The following SLIT3 variants were observed in gnomAD, a reference collection of about 807,000 sequenced individuals.
SLIT3 encodes the protein slit guidance ligand 3.
SLIT3 carries 68 observed loss-of-function variants against 184.0 expected under a neutral mutation model. The observed-to-expected ratio is 0.37, with a 90% CI of 0.30 to 0.45. The LOEUF is 0.45. Among genes scored for constraint, SLIT3 ranks in the 20% least tolerant of loss-of-function variants. The pLI is 1.00. For synonymous variants in SLIT3, 831 were observed against 828.6 expected (o/e 1.00, Z -0.05); for missense variants, 1,707 against 2,026.0 (o/e 0.84, Z 3.02).
Position 168,686,988 on chromosome 5 carries a change from T to C in SLIT3, c.3305A>G (p.Gln1102Arg). ...TINGYTCTCP[Q>R]GFSGPFCEHP... ...TGCCCTCCTGCCTTACCTGAAGCCCTGGGGGCAGGTGCATGTGTAGCCATT... is the reference window on the plus strand; with the variant it reads ...TGCCCTCCTGCCTTACCTGAAGCCCCGGGGGCAGGTGCATGTGTAGCCATT... The change falls in exon 30 of 36, where the codon CAG becomes CGG. Residue 1102 changes from glutamine to arginine, a missense_variant. Gln to Arg is a conservative substitution (Grantham distance 43, BLOSUM62 1). This residue lies in a region of SLIT3 where 1,307 missense variants were observed against 1,511.6 expected (regional missense o/e 0.86). Transcript: ENST00000519560. 2 of 1,613,858 alleles carry C rather than the reference T, an allele frequency of 1.2e-6. No individual in the cohort carries two copies. The highest frequency in any genetic ancestry group is 1.7e-6 in the Non-Finnish European group (2 of 1,179,736).
intron 4 of SLIT3, among the ~76,000 whole-genome samples, chr5:169,191,977 T>C (rs527910707): frequency 6.6e-6 from 1 of 152,330 alleles, no homozygotes; most frequent in South Asian, 2.1e-4. Context: ...TATACTCTGC[T>C]GTAGTACTTA....
At chr5:168,912,582 C>T (rs1347978329) in intron 4 of SLIT3, among the ~76,000 whole-genome samples, 1 of 152,168 alleles carries the variant, frequency 6.6e-6, no homozygotes, top group Non-Finnish European at 1.5e-5. Flanking sequence ...TTAGCTGCCT[C>T]TATTCTTACT....
At chr5:168,842,060 T>C (rs931937217) in intron 6 of SLIT3, among the ~76,000 whole-genome samples, 1 of 152,150 alleles carries the variant, frequency 6.6e-6, no homozygotes, top group Non-Finnish European at 1.5e-5. Flanking sequence ...GAGCCTAAAT[T>C]GTGATTACAG....
intron 3 of SLIT3, among the ~76,000 whole-genome samples, chr5:169,205,405 T>G (rs545349267): frequency 6.6e-5 from 10 of 152,302 alleles, no homozygotes; most frequent in African/African-American, 2.4e-4. Flanking sequence ...CTGCATGGCC[T>G]TAGGATTTAA....
intron 4 of SLIT3, among the ~76,000 whole-genome samples, chr5:169,002,370 GCAAT>G (rs1755743769): frequency 1.1e-5 from 1 of 92,512 alleles, no homozygotes; most frequent in African/African-American, 4.1e-5. Flanking sequence ...AAAAGAAAAA[GCAAT>G]GGGGCATCAA....
At chr5:169,101,270 GTCAT>G (rs1195467120) in intron 4 of SLIT3, among the ~76,000 whole-genome samples, 2 of 152,132 alleles carry the variant, frequency 1.3e-5, no homozygotes, top group African/African-American at 4.8e-5. Flanking sequence ...CCCACCCAAG[GTCAT>G]TACTGGTCCC....
chr5:169,029,422 C>G (rs187968218), intron 4 of SLIT3, among the ~76,000 whole-genome samples: 1 of 152,206 alleles, frequency 6.6e-6, no homozygotes, highest in South Asian at 2.1e-4. Context: ...GTCCTCTCCT[C>G]GGACCTACTG....
intron 8 of SLIT3, 29 bp downstream of exon 8, chr5:168,817,271 G>T: frequency 6.2e-7 from 1 of 1,610,858 alleles, no homozygotes; most frequent in Non-Finnish European, 8.5e-7. Context: ...TCATAGCACA[G>T]GAGGGGAGAG....
intron 4 of SLIT3, among the ~76,000 whole-genome samples, chr5:168,918,825 C>T (rs900789464): frequency 2.0e-5 from 3 of 151,900 alleles, no homozygotes; most frequent in Non-Finnish European, 2.9e-5. Flanking sequence ...ATGTGTTTCA[C>T]TTCTTCTTAA....
chr5:168,848,128 C>G (rs775816864), intron 5 of SLIT3, among the ~76,000 whole-genome samples: 1 of 152,220 alleles, frequency 6.6e-6, no homozygotes, highest in Non-Finnish European at 1.5e-5. Flanking sequence ...CAGTGCCTAG[C>G]GCAGTGCCAG....
chr5:169,062,502 CT>C (rs1351085815), intron 4 of SLIT3, among the ~76,000 whole-genome samples: 1 of 152,226 alleles, frequency 6.6e-6, no homozygotes, highest in Non-Finnish European at 1.5e-5. Context: ...CTGATTTTAT[CT>C]GTCCACTTCC....
At position 169,271,814 on chromosome 5, in the gene SLIT3, T is replaced by C. The variant is rs141371856; in HGVS notation, c.198-20355A>G. Reference sequence around the variant, plus strand: ...TCAGAGGAAGAACCCTTGGGGCAGATACAGGCCTCTTTATCTACAGAGGCC... The same window carrying C: ...TCAGAGGAAGAACCCTTGGGGCAGACACAGGCCTCTTTATCTACAGAGGCC... On this transcript the variant is annotated intron_variant, in intron 1 of 35. Transcript: ENST00000519560. Among the ~76,000 whole-genome samples, 275 of 152,334 alleles carry C rather than the reference T, an allele frequency of 1.8e-3. 1 individual carries two copies. The highest frequency in any genetic ancestry group is 6.3e-3 in the African/African-American group (263 of 41,570).
intron 20 of SLIT3, among the ~76,000 whole-genome samples, chr5:168,733,125 G>C (rs1763336334): frequency 6.6e-6 from 1 of 151,576 alleles, no homozygotes; most frequent in South Asian, 2.1e-4. Context: ...TTAAAAAGCG[G>C]GCAAAGGATA....
chr5:169,051,072 T>C (rs1284393849), intron 4 of SLIT3, among the ~76,000 whole-genome samples: 4 of 152,148 alleles, frequency 2.6e-5, no homozygotes, highest in Non-Finnish European at 5.9e-5. Context: ...AAATTGAAGG[T>C]TGGCTGCACC....
rs548979419 is a variant in SLIT3 at position 168,811,583 on chromosome 5, T to A, written c.794-4996A>T. ...GGACTGAGACACAGGTTGTGTAAGC[T>A]ACACTAGAGATGATCAAACACTGTT... On this transcript the variant is annotated intron_variant, in intron 8 of 35. Transcript: ENST00000519560. Among the ~76,000 whole-genome samples the A allele has an allele frequency of 1.7e-3, 253 of 152,328 alleles. 1 individual carries two copies. The highest frequency in any genetic ancestry group is 7.9e-4 in the Non-Finnish European group (54 of 68,024).
chr5:168,804,461 G>C (rs1027503259), intron 9 of SLIT3, among the ~76,000 whole-genome samples: 15 of 152,132 alleles, frequency 9.9e-5, no homozygotes, highest in African/African-American at 3.4e-4. Context: ...GGAGGAGCAG[G>C]AGAAGTAGGT....
chr5:168,688,214 C>T (rs1761804841), intron 29 of SLIT3, among the ~76,000 whole-genome samples: 1 of 152,190 alleles, frequency 6.6e-6, no homozygotes, highest in African/African-American at 2.4e-5. Flanking sequence ...GCCTGTGTAC[C>T]TTTCTGGGCC....
chr5:169,112,602 G>C (rs1384094890), intron 4 of SLIT3, among the ~76,000 whole-genome samples: 1 of 151,624 alleles, frequency 6.6e-6, no homozygotes, highest in South Asian at 2.1e-4. Flanking sequence ...TAGCTGCAAG[G>C]CATACTTTCT....
chr5:169,269,856 T>A (rs540182342), intron 1 of SLIT3, among the ~76,000 whole-genome samples: 8 of 152,258 alleles, frequency 5.3e-5, no homozygotes, highest in African/African-American at 1.7e-4. Flanking sequence ...AACTTCTGAT[T>A]ATTCCTTTGA....
Sources: gnomAD v4.1 joint callset for allele counts (sites outside exome capture counted in the v4.1 genomes callset) on GRCh38, gnomAD v4.1.1 for gene constraint, gnomAD v4.1.1 regional missense constraint, MANE v1.5 for transcripts, NCBI Gene and HGNC (gene_info 2026-07-23, HGNC 2026-07-21) for gene names.